TMTC2: variants seen among roughly 807,000 people sequenced by gnomAD.
TMTC2 encodes the protein transmembrane O-mannosyltransferase targeting cadherins 2.
Under a neutral mutation model 82.4 loss-of-function variants are expected in TMTC2, and 43 were observed. The observed-to-expected ratio is 0.52, with a 90% CI of 0.41 to 0.67. TMTC2 has a LOEUF of 0.67. TMTC2 is among the 30% of genes least tolerant of loss of function. The pLI, the probability that TMTC2 is intolerant of heterozygous loss-of-function variation, is 0.00. For synonymous variants in TMTC2, 408 were observed against 381.9 expected (o/e 1.07, Z -0.80); for missense variants, 919 against 1,012.4 (o/e 0.91, Z 1.25).
chr12:83,065,331 T>C (rs1334457345), intron 11 of TMTC2, among the ~76,000 whole-genome samples: 1 of 151,934 alleles, frequency 6.6e-6, no homozygotes, highest in Non-Finnish European at 1.5e-5. Context: ...TCATTTTATA[T>C]ATGAAGAATT....
chr12:82,997,933 C>T (rs1879739342), intron 8 of TMTC2, among the ~76,000 whole-genome samples: 1 of 152,086 alleles, frequency 6.6e-6, no homozygotes, highest in East Asian at 1.9e-4. Flanking sequence ...CAGGTTTTTT[C>T]AAGTTGAATC....
chr12:83,003,291 T>C (rs191409437), intron 8 of TMTC2, among the ~76,000 whole-genome samples: 4 of 152,192 alleles, frequency 2.6e-5, no homozygotes, highest in Admixed American at 6.5e-5. Flanking sequence ...TTGATCCCTT[T>C]ACTTTGAGCC....
At chr12:82,985,097 C>T (rs1221886596) in intron 7 of TMTC2, among the ~76,000 whole-genome samples, 3 of 152,002 alleles carry the variant, frequency 2.0e-5, no homozygotes, top group African/African-American at 7.2e-5. Flanking sequence ...GTCACTCTTT[C>T]ACCCAGGCTT....
intron 1 of TMTC2, among the ~76,000 whole-genome samples, chr12:82,720,294 A>G (rs187805157): frequency 6.6e-6 from 1 of 152,278 alleles, no homozygotes; most frequent in Admixed American, 6.5e-5. Context: ...ATGTTTTAGA[A>G]TATTTTTGTA....
intron 1 of TMTC2, chr12:82,760,960 A>T (rs537483195): frequency 4.9e-6 from 1 of 203,330 alleles, no homozygotes; most frequent in Non-Finnish European, 9.9e-6. Flanking sequence ...TTATTTTATT[A>T]TATATTATAA....
chr12:82,959,211 T>G (rs923077617), intron 4 of TMTC2, among the ~76,000 whole-genome samples: 3 of 152,180 alleles, frequency 2.0e-5, no homozygotes, highest in African/African-American at 7.2e-5. Context: ...TCCATGCTTA[T>G]GAGTTGGAAG....
intron 1 of TMTC2, among the ~76,000 whole-genome samples, chr12:82,853,350 G>T (rs1205489331): frequency 6.6e-6 from 1 of 152,116 alleles, no homozygotes; most frequent in East Asian, 1.9e-4. Flanking sequence ...TGATCCACTT[G>T]CGTCAGACTT....
chr12:82,986,153 A>ACCC, intron 8 of TMTC2, 107 bp downstream of exon 8: 1 of 1,470,678 alleles, frequency 6.8e-7, no homozygotes, highest in South Asian at 1.2e-5. Flanking sequence ...GCTATTAGGG[A>ACCC]TGCAATGGTG....
chr12:82,964,646 C>G (rs1314511652), intron 4 of TMTC2, among the ~76,000 whole-genome samples: 1 of 152,100 alleles, frequency 6.6e-6, no homozygotes, highest in African/African-American at 2.4e-5. Flanking sequence ...TCCACATATA[C>G]ATATCTCACT....
chr12:82,753,326 C>CTT lies in TMTC2; in HGVS notation c.83+65672_83+65673dup, dbSNP rs541318020. ...AGTATGCTAGCTGAAAACATAATGG[C>CTT]TTTTTTTTTTTTTTTTGAGGAGAAG... On this transcript the variant is annotated intron_variant, in intron 1 of 11. Transcript: ENST00000321196. Among the ~76,000 whole-genome samples the CTT allele has an allele frequency of 9.9e-3, 1,280 of 129,526 alleles. 22 individuals are homozygous for CTT. Among genetic ancestry groups the CTT allele is most frequent in the African/African-American group, 0.033 (1,183 of 35,604 alleles). 85.0% of individuals were successfully genotyped at this position (129,526 alleles called of 152,430 possible).
intron 8 of TMTC2, among the ~76,000 whole-genome samples, chr12:83,018,984 A>G (rs1035470912): frequency 1.3e-5 from 2 of 152,206 alleles, no homozygotes; most frequent in African/African-American, 2.4e-5. Context: ...ATTAGAGTAC[A>G]TATGGTAAGT....
At chr12:82,948,752 C>A (rs1877175084) in intron 4 of TMTC2, among the ~76,000 whole-genome samples, 1 of 152,144 alleles carries the variant, frequency 6.6e-6, no homozygotes, top group African/African-American at 2.4e-5. Flanking sequence ...CATCTCTAAC[C>A]CAAATTATAA....
At chr12:83,107,125 C>G (rs1884432746) in intron 11 of TMTC2, among the ~76,000 whole-genome samples, 1 of 152,170 alleles carries the variant, frequency 6.6e-6, no homozygotes, top group South Asian at 2.1e-4. Flanking sequence ...GGAACTTTTT[C>G]TCTGAGCATG....
intron 8 of TMTC2, among the ~76,000 whole-genome samples, chr12:83,026,384 A>G (rs1056778702): frequency 2.0e-5 from 3 of 152,126 alleles, no homozygotes; most frequent in East Asian, 1.9e-4. Context: ...TGAAATATTA[A>G]AATTTACATC....
chr12:82,859,067 ATTTT>A (rs1224587372), intron 2 of TMTC2, among the ~76,000 whole-genome samples: 4 of 130,478 alleles, frequency 3.1e-5, no homozygotes, highest in East Asian at 2.2e-4. Context: ...AAATATTGTG[ATTTT>A]TTTTTTTTTT....
intron 8 of TMTC2, among the ~76,000 whole-genome samples, chr12:83,010,984 G>C (rs889656126): frequency 7.2e-5 from 11 of 152,062 alleles, no homozygotes; most frequent in Non-Finnish European, 1.5e-4. Context: ...ACAGATGTGT[G>C]ACTCCATGCC....
At chr12:82,703,660 A>G (rs915229239) in intron 1 of TMTC2, among the ~76,000 whole-genome samples, 1 of 151,714 alleles carries the variant, frequency 6.6e-6, no homozygotes, top group African/African-American at 2.4e-5. Flanking sequence ...CACCGTGCCT[A>G]GCTAATTTTT....
intron 6 of TMTC2, chr12:82,966,044 G>A (rs1451226963): frequency 5.5e-6 from 2 of 366,606 alleles, no homozygotes; most frequent in African/African-American, 4.0e-5. Flanking sequence ...GAAATAACAT[G>A]TAATGTTTCT....
Position 82,735,677 on chromosome 12 carries a change from T to A in TMTC2, c.83+48008T>A, listed in dbSNP as rs954830975. Among the ~76,000 whole-genome samples, 2 of 150,358 alleles carry A rather than the reference T, an allele frequency of 1.3e-5. 1 individual carries two copies. The highest frequency in any genetic ancestry group is 4.9e-5 in the African/African-American group (2 of 41,192). On this transcript the variant is annotated intron_variant, in intron 1 of 11. Transcript: ENST00000321196. ...TTTTGATTTTTTAAAGATGTATTCA[T>A]TTATCTTGGTCGGGTGCGGTGGCTC...
Sources: allele counts gnomAD v4.1 joint callset (sites outside exome capture counted in the v4.1 genomes callset), GRCh38; gene constraint gnomAD v4.1.1; transcripts MANE v1.5; gene names NCBI Gene and HGNC (gene_info 2026-07-23, HGNC 2026-07-21).